ADARB2: variants seen among roughly 807,000 people sequenced by gnomAD.
ADARB2 encodes inactive double-stranded RNA-specific editase B2.
In ADARB2, 25 loss-of-function variants were observed where a neutral mutation model predicts 62.2. That is an observed-to-expected ratio of 0.40 (90% CI 0.29 to 0.56). The LOEUF (loss-of-function observed/expected upper bound fraction) is 0.56. Among genes scored for constraint, ADARB2 ranks in the 20% least tolerant of loss-of-function variants. The pLI is 0.43. For missense variants in ADARB2, 1,071 were observed against 1,077.4 expected, an observed-to-expected ratio of 0.99 and a Z score of 0.08; for synonymous variants, 572 against 500.8, an observed-to-expected ratio of 1.14 and a Z score of -1.90.
intron 2 of ADARB2, among the ~76,000 whole-genome samples, chr10:1,373,327 C>CA (rs879664546): frequency 3.3e-4 from 50 of 151,814 alleles, no homozygotes; most frequent in South Asian, 1.7e-3. Flanking sequence ...CACACACACA[C>CA]CCACCCACAC....
intron 3 of ADARB2, among the ~76,000 whole-genome samples, chr10:1,329,497 G>T (rs1410052222): frequency 6.6e-6 from 1 of 152,200 alleles, no homozygotes; most frequent in Non-Finnish European, 1.5e-5. Context: ...CACACCCAGG[G>T]CGCCTGGGTT....
chr10:1,295,680 A>C (rs1831516884), intron 3 of ADARB2, among the ~76,000 whole-genome samples: 1 of 151,868 alleles, frequency 6.6e-6, no homozygotes, highest in Non-Finnish European at 1.5e-5. Flanking sequence ...AGCAGAATGC[A>C]TGAAGGGTCT....
intron 1 of ADARB2, among the ~76,000 whole-genome samples, chr10:1,424,204 T>G (rs138053517): frequency 6.6e-6 from 1 of 152,348 alleles, no homozygotes; most frequent in East Asian, 1.9e-4. Flanking sequence ...ATGTATGTAG[T>G]AGGTCTGCAA....
chr10:1,721,675 G>A (rs886696879), intron 1 of ADARB2, among the ~76,000 whole-genome samples: 6 of 152,138 alleles, frequency 3.9e-5, no homozygotes, highest in African/African-American at 1.4e-4. Context: ...ATGTACAGAG[G>A]GCCTTGTGTG....
chr10:1,487,292 T>C (rs959171130), intron 1 of ADARB2, among the ~76,000 whole-genome samples: 1 of 152,268 alleles, frequency 6.6e-6, no homozygotes, highest in Non-Finnish European at 1.5e-5. Context: ...TTACTTGAGC[T>C]CTTCAGTTGC....
intron 1 of ADARB2, among the ~76,000 whole-genome samples, chr10:1,499,497 C>T (rs1385034785): frequency 1.3e-5 from 2 of 151,754 alleles, no homozygotes; most frequent in African/African-American, 4.8e-5. Flanking sequence ...TCATCACTCA[C>T]CTATCACTCA....
At chr10:1,327,211 T>C (rs1279468114) in intron 3 of ADARB2, among the ~76,000 whole-genome samples, 13 of 94,720 alleles carry the variant, frequency 1.4e-4, no homozygotes, top group East Asian at 6.2e-4. Context: ...CAGCGCCTCC[T>C]CACAGTTCAG....
At chr10:1,353,292 C>G (rs1262813999) in intron 3 of ADARB2, among the ~76,000 whole-genome samples, 1 of 152,200 alleles carries the variant, frequency 6.6e-6, no homozygotes, top group Non-Finnish European at 1.5e-5. Flanking sequence ...CTATCTCCAC[C>G]ACACTATCAA....
chr10:1,306,680 CAAAACA>C (rs1831632928), intron 3 of ADARB2, among the ~76,000 whole-genome samples: 5 of 105,224 alleles, frequency 4.8e-5, no homozygotes, highest in Admixed American at 1.1e-4. Context: ...CTACAGTAAC[CAAAACA>C]GCATGGTACT....
At chr10:1,647,961 A>C (rs1047618247) in intron 1 of ADARB2, among the ~76,000 whole-genome samples, 57 of 152,152 alleles carry the variant, frequency 3.7e-4, no homozygotes, top group African/African-American at 1.3e-3. Context: ...CCAGTTTATG[A>C]GCCTGAAATG....
chr10:1,263,255 C>A (rs1035497443), intron 4 of ADARB2, among the ~76,000 whole-genome samples: 3 of 152,122 alleles, frequency 2.0e-5, no homozygotes, highest in Non-Finnish European at 4.4e-5. Flanking sequence ...ACGTTGTGCA[C>A]ATGTACCCTA....
intron 1 of ADARB2, among the ~76,000 whole-genome samples, chr10:1,647,881 CTATA>C (rs981248527): frequency 6.6e-6 from 1 of 151,442 alleles, no homozygotes; most frequent in Non-Finnish European, 1.5e-5. Flanking sequence ...TGTGGTGTGT[CTATA>C]TATGTATGTG....
At chr10:1,476,580 C>T (rs549568624) in intron 1 of ADARB2, among the ~76,000 whole-genome samples, 2 of 152,248 alleles carry the variant, frequency 1.3e-5, no homozygotes, top group African/African-American at 4.8e-5. Flanking sequence ...GCACACAGGA[C>T]GGGGGAGCTG....
rs867344736 is a variant in ADARB2 at position 1,327,020 on chromosome 10, G to T, written c.1077+36008C>A. ...TCCCCACTGCCCAGCGCCTCCCCAC[G>T]GCACAGCGCCTCCCCACTGCCCAGC... On this transcript the variant is annotated intron_variant, in intron 3 of 9. Transcript: ENST00000381312. Among the ~76,000 whole-genome samples, 55 of 10,620 alleles carry T rather than the reference G, an allele frequency of 5.2e-3. 3 individuals are homozygous for T. The highest frequency in any genetic ancestry group is 0.016 in the East Asian group (4 of 254). The allele number at this position is 10,620 out of a possible 152,430, so 7.0% of individuals were successfully genotyped here.
At chr10:1,393,323 T>C (rs1378418065) in intron 1 of ADARB2, among the ~76,000 whole-genome samples, 2 of 152,246 alleles carry the variant, frequency 1.3e-5, no homozygotes, top group Non-Finnish European at 2.9e-5. Context: ...ATGGAAAACG[T>C]GGTATCCATC....
At chr10:1,476,351 G>A (rs1831400874) in intron 1 of ADARB2, among the ~76,000 whole-genome samples, 1 of 152,190 alleles carries the variant, frequency 6.6e-6, no homozygotes, top group South Asian at 2.1e-4. Context: ...AGAAGCCCCA[G>A]GCCCTGCAGG....
intron 3 of ADARB2, among the ~76,000 whole-genome samples, chr10:1,288,205 C>G (rs1036737841): frequency 3.3e-5 from 5 of 152,236 alleles, no homozygotes; most frequent in African/African-American, 1.2e-4. Context: ...TATTTCACCC[C>G]CATCCCTGTC....
At chr10:1,645,262 G>A (rs1333266830) in intron 1 of ADARB2, among the ~76,000 whole-genome samples, 1 of 152,198 alleles carries the variant, frequency 6.6e-6, no homozygotes, top group African/African-American at 2.4e-5. Flanking sequence ...CATGGCTATG[G>A]TACAGCCCAC....
chr10:1,352,345 C>T (rs1213877191), intron 3 of ADARB2, among the ~76,000 whole-genome samples: 2 of 152,282 alleles, frequency 1.3e-5, no homozygotes, highest in East Asian at 1.9e-4. Context: ...CAAAAGGAAA[C>T]CTAGCTGACC....
Sources: allele counts gnomAD v4.1 joint callset (sites outside exome capture counted in the v4.1 genomes callset), GRCh38; gene constraint gnomAD v4.1.1; transcripts MANE v1.5; gene names NCBI Gene and HGNC (gene_info 2026-07-23, HGNC 2026-07-21).